PDCD4: variants seen among roughly 807,000 people sequenced by gnomAD.
The protein encoded by PDCD4 is programmed cell death protein 4.
In PDCD4, 56 loss-of-function variants were observed where a neutral mutation model predicts 54.0. That is an observed-to-expected ratio of 1.04 (90% CI 0.84 to 1.30). The LOEUF (loss-of-function observed/expected upper bound fraction) is 1.30. Ranked by LOEUF, PDCD4 falls within the 50% of genes most tolerant of loss-of-function variation. The pLI is 0.00. For synonymous variants in PDCD4, 186 were observed against 194.8 expected, an observed-to-expected ratio of 0.95 and a Z score of 0.37; for missense variants, 584 against 559.8, an observed-to-expected ratio of 1.04 and a Z score of -0.44.
At chr10:110,881,602 C>T (rs1845593810) in intron 3 of PDCD4, 67 bp downstream of exon 3, 1 of 1,270,676 alleles carries the variant, frequency 7.9e-7, no homozygotes, top group Non-Finnish European at 1.1e-6. Flanking sequence ...GGTTCTTGTA[C>T]TACACTTTCC....
At chr10:110,876,783 T>C (rs762225925) in intron 2 of PDCD4, 1 of 796,022 alleles carries the variant, frequency 1.3e-6, no homozygotes. Flanking sequence ...TTAAAATGTA[T>C]TTATAGTTTT....
At chr10:110,888,068 G>A (rs1845697619) in intron 6 of PDCD4, among the ~76,000 whole-genome samples, 182 bp downstream of exon 6, 1 of 151,422 alleles carries the variant, frequency 6.6e-6, no homozygotes, top group Non-Finnish European at 1.5e-5. Flanking sequence ...TTTTAAACAT[G>A]GTCTTCATCA....
Position 110,894,466 on chromosome 10 carries a change from G to T in PDCD4, c.1153G>T (p.Asp385Tyr). 2 of 1,573,812 alleles carry T rather than the reference G, an allele frequency of 1.3e-6. No individual in the cohort carries two copies. Among genetic ancestry groups the T allele is most frequent in the Middle Eastern group, 1.7e-4 (1 of 5,950 alleles). Residue 385 changes from aspartate (D) to tyrosine (Y), a missense_variant, in exon 10 of 12, where the codon GAT becomes TAT. By Grantham distance (160) the Asp-to-Tyr change is radical. Transcript: ENST00000280154. The stretch of plus-strand genomic sequence containing the variant: ...AGAAAGTACATTTAAGATGATTTTG[G>T]ATTTATTAAAGTCCCTTTGGAAGTC... ...TGESTFKMIL[D>Y]LLKSLWKSST...
Position 110,896,049 on chromosome 10 carries a change from A to G in PDCD4, c.1311A>G (p.Gly437=). 1 of 1,611,172 alleles carries G rather than the reference A, an allele frequency of 6.2e-7. No homozygotes were observed. Among genetic ancestry groups the G allele is most frequent in the Non-Finnish European group, 8.5e-7 (1 of 1,178,176 alleles). The change falls in exon 11 of 12, where the codon GGA becomes GGG. Residue 437 remains glycine (G), a synonymous_variant. Coordinates refer to ENST00000280154, the MANE Select transcript of PDCD4 (RefSeq NM_014456.5). ...TTGTAGAAGAATGTTTTCAGGCTGGAATAATTTCCAAACAACTCAGAGATC... is the reference window on the plus strand; with the variant it reads ...TTGTAGAAGAATGTTTTCAGGCTGGGATAATTTCCAAACAACTCAGAGATC... ...ERFVEECFQA[G]IISKQLRDLC...
intron 10 of PDCD4, 54 bp from the exon 11 acceptor site, chr10:110,895,894 A>G: frequency 7.3e-7 from 1 of 1,360,994 alleles, no homozygotes; most frequent in East Asian, 2.5e-5. Context: ...ATTGTGTTTT[A>G]TGACATTTAT....
chr10:110,893,203 C>T (rs1157789321), intron 8 of PDCD4, among the ~76,000 whole-genome samples: 2 of 151,714 alleles, frequency 1.3e-5, no homozygotes, highest in Non-Finnish European at 2.9e-5. Flanking sequence ...TACTCAAATG[C>T]TATGCTTTAA....
chr10:110,889,406 A>T, intron 6 of PDCD4, 127 bp from the exon 7 acceptor site: 2 of 670,422 alleles, frequency 3.0e-6, no homozygotes, highest in South Asian at 1.6e-5. Context: ...TTTAAAAAAA[A>T]ATTCCAGCAT....
chr10:110,887,560 C>T (rs538264497), intron 5 of PDCD4, 105 bp from the exon 6 acceptor site: 16 of 672,864 alleles, frequency 2.4e-5, no homozygotes, highest in East Asian at 8.2e-5. Flanking sequence ...AAGAGTGAGA[C>T]GTAGAGATAT....
chr10:110,883,959 A>G (rs1350833729), intron 4 of PDCD4, among the ~76,000 whole-genome samples: 3 of 152,334 alleles, frequency 2.0e-5, no homozygotes, highest in East Asian at 1.9e-4. Context: ...TCTTTCAAGT[A>G]TATGTTTTTA....
At chr10:110,885,027 C>G (rs1692263377) in intron 4 of PDCD4, 1 of 343,496 alleles carries the variant, frequency 2.9e-6, no homozygotes, top group African/African-American at 2.1e-5. Flanking sequence ...AACTCCAGGC[C>G]TCAAGTGAAC....
At chr10:110,889,444 C>G (rs1845722255) in intron 6 of PDCD4, 89 bp from the exon 7 acceptor site, 2 of 782,772 alleles carry the variant, frequency 2.6e-6, no homozygotes, top group African/African-American at 3.5e-5. Flanking sequence ...TGTACTTCAG[C>G]TAATCTTCAT....
Position 110,894,140 on chromosome 10 carries a change from C to G in PDCD4, c.1040C>G (p.Ala347Gly), listed in dbSNP as rs775048388. The change falls in exon 9 of 12, where the codon GCT becomes GGT. Residue 347 changes from alanine to glycine, a missense_variant. Physicochemically the swap from Ala to Gly is moderately conservative, Grantham distance 60 (BLOSUM62 0). Coordinates refer to ENST00000280154, the MANE Select transcript of PDCD4 (RefSeq NM_014456.5). ...TTACTCTCTGGAGACATATCTGAAG[C>G]TGAACATTGCCTTAAGGAACTGGAA... ...EYLLSGDISE[A>G]EHCLKELEVP... 3 of 1,609,750 alleles carry G rather than the reference C, an allele frequency of 1.9e-6. No homozygotes were observed. Among genetic ancestry groups the G allele is most frequent in the Admixed American group, 3.3e-5 (2 of 59,982 alleles).
intron 6 of PDCD4, among the ~76,000 whole-genome samples, chr10:110,888,700 G>C (rs1845707540): frequency 6.6e-6 from 1 of 151,888 alleles, no homozygotes; most frequent in Non-Finnish European, 1.5e-5. Flanking sequence ...TTATAAACTT[G>C]ATTTTTCTCA....
intron 5 of PDCD4, among the ~76,000 whole-genome samples, chr10:110,885,814 CAAAA>C (rs981350819): frequency 6.7e-6 from 1 of 149,074 alleles, no homozygotes; most frequent in Non-Finnish European, 1.5e-5. Context: ...GTACTTTGTC[CAAAA>C]AAAACCCCAC....
chr10:110,897,969 A>G lies in PDCD4; in HGVS notation c.1350-59A>G, dbSNP rs1277368174. On this transcript the variant is annotated intron_variant, in intron 11 of 11. Coordinates refer to ENST00000280154, the MANE Select transcript of PDCD4 (RefSeq NM_014456.5). ...AATACCAAGTTTTTAATTTTTTTAT[A>G]TATTGACTATAGTCAGAATTTGTAT... 2.5e-6 allele frequency: 3 copies of G among 1,215,368 alleles called. No individual in the cohort carries two copies. In the African/African-American group the frequency reaches 4.6e-5, roughly 19 times the overall value. 75.3% of individuals were successfully genotyped at this position (1,215,368 alleles called of 1,614,324 possible).
At chr10:110,884,975 T>G in intron 4 of PDCD4, 1 of 220,550 alleles carries the variant, frequency 4.5e-6, no homozygotes, top group South Asian at 1.3e-4. Context: ...TAAAACTTTT[T>G]TGTAGAGACA....
Position 110,899,064 on chromosome 10 carries a change from T to C in PDCD4, c.*976T>C, listed in dbSNP as rs1317214605. On this transcript the variant is annotated 3_prime_UTR_variant, in exon 12 of 12. Transcript: ENST00000280154. ...TAATGGCTAATGTTACAAAAAGTTA[T>C]ACTCCAGAGACCCAAAGCTTGACAT... The C allele has an allele frequency of 1.3e-5, 2 of 152,206 alleles. No individual in the cohort carries two copies. Among genetic ancestry groups the C allele is most frequent in the Non-Finnish European group, 2.9e-5 (2 of 68,028 alleles). 9.4% of individuals were successfully genotyped at this position (152,206 alleles called of 1,614,324 possible).
rs760994347 is a variant in PDCD4, at chr10:110,898,128, A to G, written c.*40A>G. The G allele has an allele frequency of 5.6e-6, 6 of 1,077,190 alleles. No homozygotes were observed. Among genetic ancestry groups the G allele is most frequent in the African/African-American group, 3.4e-5 (2 of 58,894 alleles). 66.7% of individuals were successfully genotyped at this position (1,077,190 alleles called of 1,614,324 possible). A position where few individuals can be genotyped will look rare whatever the true frequency, so the allele number is the denominator to read the frequency against. On this transcript the variant is annotated 3_prime_UTR_variant, in exon 12 of 12. Coordinates refer to ENST00000280154, the MANE Select transcript of PDCD4 (RefSeq NM_014456.5). ...GCAGTCTTAGATGTTATAAAAATAT[A>G]TATCTGAATTGTAAGAGTTGTTAGC...
At position 110,893,590 on chromosome 10, in the gene PDCD4, A is replaced by G. The variant is rs182564466; in HGVS notation, c.991-501A>G. On this transcript the variant is annotated intron_variant, in intron 8 of 11. Coordinates refer to ENST00000280154, the MANE Select transcript of PDCD4 (RefSeq NM_014456.5). ...GAACATTTTAGATAATGAGTTTCAA[A>G]TTCTCAGTTGTAGAGAAAAGAGAAA... Among the ~76,000 whole-genome samples, 233 of 152,120 alleles carry G rather than the reference A, an allele frequency of 1.5e-3. 1 individual carries two copies. Among genetic ancestry groups the G allele is most frequent in the Non-Finnish European group, 2.4e-3 (164 of 67,934 alleles).
Sources: allele counts gnomAD v4.1 joint callset (sites outside exome capture counted in the v4.1 genomes callset), GRCh38; gene constraint gnomAD v4.1.1; transcripts MANE v1.5; gene names NCBI Gene and HGNC (gene_info 2026-07-23, HGNC 2026-07-21).